CPA6: variants seen among roughly 807,000 people sequenced by gnomAD.
The protein encoded by CPA6 is carboxypeptidase A6, also known as carboxypeptidase B.
In CPA6, 58 loss-of-function variants were observed where a neutral mutation model predicts 63.3. That is an observed-to-expected ratio of 0.92 (90% CI 0.74 to 1.14). CPA6 has a LOEUF of 1.14. CPA6 is among the 50% of genes most tolerant of loss of function. The pLI is 0.00. For synonymous variants in CPA6, 185 were observed against 179.0 expected, an observed-to-expected ratio of 1.03 and a Z score of -0.27; for missense variants, 565 against 526.6, an observed-to-expected ratio of 1.07 and a Z score of -0.71.
intron 2 of CPA6, among the ~76,000 whole-genome samples, chr8:67,577,056 T>C (rs551059382): frequency 1.3e-5 from 2 of 152,230 alleles, no homozygotes; most frequent in African/African-American, 4.8e-5. Context: ...GGTTTCACCA[T>C]GTTGGCCAGG....
At chr8:67,522,332 G>A (rs1812276558) in intron 2 of CPA6, among the ~76,000 whole-genome samples, 1 of 152,064 alleles carries the variant, frequency 6.6e-6, no homozygotes, top group Non-Finnish European at 1.5e-5. Flanking sequence ...AGTTTCCTGT[G>A]GCTCAATAAA....
At chr8:67,443,222 G>A (rs1810335016) in intron 8 of CPA6, among the ~76,000 whole-genome samples, 1 of 151,860 alleles carries the variant, frequency 6.6e-6, no homozygotes, top group East Asian at 1.9e-4. Flanking sequence ...CACCATGCCT[G>A]GCTAATTTTG....
At chr8:67,588,148 C>T (rs917645277) in intron 2 of CPA6, among the ~76,000 whole-genome samples, 1 of 151,938 alleles carries the variant, frequency 6.6e-6, no homozygotes, top group African/African-American at 2.4e-5. Context: ...GGTGTGGAAG[C>T]CTGAGGAGAT....
intron 1 of CPA6, among the ~76,000 whole-genome samples, chr8:67,704,247 A>G (rs754539960): frequency 1.4e-4 from 22 of 152,208 alleles, no homozygotes; most frequent in Non-Finnish European, 2.2e-4. Context: ...CCCCAAATAC[A>G]AATTTTCCTC....
At chr8:67,617,075 T>G (rs924528158) in intron 2 of CPA6, among the ~76,000 whole-genome samples, 1 of 152,196 alleles carries the variant, frequency 6.6e-6, no homozygotes, top group African/African-American at 2.4e-5. Flanking sequence ...AACTTAGAAA[T>G]TCTTATAATA....
At chr8:67,609,674 C>G (rs1223564606) in intron 2 of CPA6, among the ~76,000 whole-genome samples, 1 of 152,086 alleles carries the variant, frequency 6.6e-6, no homozygotes. Flanking sequence ...TTTTCAAATA[C>G]ATATGATAAA....
At chr8:67,555,608 G>T (rs1007899404) in intron 2 of CPA6, among the ~76,000 whole-genome samples, 2 of 152,158 alleles carry the variant, frequency 1.3e-5, no homozygotes, top group Non-Finnish European at 2.9e-5. Flanking sequence ...TGAACCTAAG[G>T]AGGGGCTCAG....
intron 8 of CPA6, 110 bp from the exon 9 acceptor site, chr8:67,434,350 T>C (rs1390559910): frequency 7.1e-6 from 6 of 846,108 alleles, no homozygotes; most frequent in Admixed American, 2.6e-5. Context: ...AAACATATGG[T>C]ATTATTAAGC....
At chr8:67,729,446 G>A (rs1817664986) in intron 1 of CPA6, among the ~76,000 whole-genome samples, 2 of 152,326 alleles carry the variant, frequency 1.3e-5, no homozygotes, top group South Asian at 4.1e-4. Flanking sequence ...TTCAGTGGCT[G>A]CAGGAGTAAC....
At chr8:67,576,489 C>G (rs1813629745) in intron 2 of CPA6, among the ~76,000 whole-genome samples, 1 of 152,060 alleles carries the variant, frequency 6.6e-6, no homozygotes, top group Non-Finnish European at 1.5e-5. Context: ...GGTGTATGCT[C>G]TAAAAATGTA....
At chr8:67,458,770 A>G (rs1810734155) in intron 8 of CPA6, among the ~76,000 whole-genome samples, 1 of 152,360 alleles carries the variant, frequency 6.6e-6, no homozygotes, top group African/African-American at 2.4e-5. Flanking sequence ...AAGAAAGCAC[A>G]CAGATGCAAA....
intron 8 of CPA6, among the ~76,000 whole-genome samples, chr8:67,435,912 G>T (rs1798750721): frequency 1.3e-5 from 2 of 151,556 alleles, no homozygotes; most frequent in South Asian, 4.2e-4. Context: ...GACCCCACAT[G>T]GTCTCAGGGC....
intron 8 of CPA6, among the ~76,000 whole-genome samples, chr8:67,469,308 G>C (rs1811003505): frequency 6.6e-6 from 1 of 152,046 alleles, no homozygotes; most frequent in African/African-American, 2.4e-5. Flanking sequence ...TTAAAGCCCT[G>C]AATAGAACAA....
intron 2 of CPA6, chr8:67,569,757 C>A: frequency 5.3e-6 from 1 of 187,172 alleles, no homozygotes; most frequent in South Asian, 9.9e-5. Flanking sequence ...CTGTAAGATC[C>A]CAGCTTCAAA....
rs1810832137 is a variant in CPA6, at chr8:67,462,332, C to T, written c.838+21436G>A. 2.6e-5 allele frequency among the ~76,000 whole-genome samples: 4 copies of T among 152,152 alleles called. No individual in the cohort carries two copies. In the South Asian group the frequency reaches 8.3e-4, roughly 31 times the overall value. Reference sequence around the variant, plus strand: ...ATGTGATCCTGGAGATTTTCCATGTCAGTGCATAAAATAGCAGCCTCATTC... The same window carrying T: ...ATGTGATCCTGGAGATTTTCCATGTTAGTGCATAAAATAGCAGCCTCATTC... On this transcript the variant is annotated intron_variant, in intron 8 of 10. Transcript: ENST00000297770.
At chr8:67,430,522 G>A (rs76603035) in intron 9 of CPA6, among the ~76,000 whole-genome samples, 1,970 of 152,054 alleles carry the variant, frequency 0.013, 38 homozygotes, top group African/African-American at 0.044. Context: ...CAGAAATACC[G>A]AATCTTACAT....
At chr8:67,439,815 G>A (rs1046963656) in intron 8 of CPA6, among the ~76,000 whole-genome samples, 1 of 152,022 alleles carries the variant, frequency 6.6e-6, no homozygotes, top group East Asian at 1.9e-4. Flanking sequence ...TAATAGAGAT[G>A]AGGTCTTGCT....
intron 1 of CPA6, among the ~76,000 whole-genome samples, chr8:67,671,710 T>A (rs1294312877): frequency 6.6e-6 from 1 of 152,220 alleles, no homozygotes; most frequent in Non-Finnish European, 1.5e-5. Context: ...TTAGAACTCC[T>A]TTGTGCAGGC....
chr8:67,598,465 T>A (rs1445744194), intron 2 of CPA6, among the ~76,000 whole-genome samples: 1 of 152,198 alleles, frequency 6.6e-6, no homozygotes, highest in Admixed American at 6.5e-5. Flanking sequence ...GTAAAATTAA[T>A]TTTAAATTCA....
Sources: allele counts gnomAD v4.1 joint callset (sites outside exome capture counted in the v4.1 genomes callset), GRCh38; gene constraint gnomAD v4.1.1; transcripts MANE v1.5; gene names NCBI Gene and HGNC (gene_info 2026-07-23, HGNC 2026-07-21).